The following SLC14A2 variants were observed in gnomAD, a reference collection of about 807,000 sequenced individuals.
SLC14A2 encodes solute carrier family 14 member 2.
In SLC14A2, 91 loss-of-function variants were observed where a neutral mutation model predicts 104.6. That is an observed-to-expected ratio of 0.87 (90% CI 0.73 to 1.04). The LOEUF (loss-of-function observed/expected upper bound fraction) is 1.04, where lower values mean the gene tolerates loss of function less well. Ranked by LOEUF, SLC14A2 falls within the 50% of genes least tolerant of loss-of-function variation. SLC14A2 has a pLI of 0.00. For missense variants in SLC14A2, 1,189 were observed against 1,156.0 expected, an observed-to-expected ratio of 1.03 and a Z score of -0.41; for synonymous variants, 476 against 466.4, an observed-to-expected ratio of 1.02 and a Z score of -0.27.
Position 45,245,899 on chromosome 18 carries a change from T to C in SLC14A2, c.-125+32708T>C, listed in dbSNP as rs554911789. ...AGCTCCCATTCTTGGTATATTTTCT[T>C]CAAGAGCATATACTATTGTTTTGCT... is the stretch of plus-strand genomic sequence containing the variant. On this transcript the variant is annotated intron_variant, in intron 1 of 20. Coordinates refer to the SLC14A2 transcript ENST00000586448. Among the ~76,000 whole-genome samples, 42 of 152,380 alleles carry C rather than the reference T, an allele frequency of 2.8e-4. 1 individual carries two copies. The highest frequency in any genetic ancestry group is 3.4e-3 in the Middle Eastern group (1 of 294).
intron 2 of SLC14A2, among the ~76,000 whole-genome samples, chr18:45,582,799 A>G (rs978277055): frequency 8.5e-5 from 13 of 152,100 alleles, no homozygotes; most frequent in African/African-American, 1.4e-4. Context: ...TGGCATCTCC[A>G]ATGTGACATA....
intron 1 of SLC14A2, among the ~76,000 whole-genome samples, chr18:45,474,181 T>C (rs1209227655): frequency 6.6e-6 from 1 of 152,224 alleles, no homozygotes; most frequent in Non-Finnish European, 1.5e-5. Flanking sequence ...GGATTACGTT[T>C]ATTGATTTGT....
At chr18:45,385,423 C>T (rs976591248) in intron 1 of SLC14A2, among the ~76,000 whole-genome samples, 8 of 152,036 alleles carry the variant, frequency 5.3e-5, no homozygotes, top group African/African-American at 7.2e-5. Flanking sequence ...GTCTGAGACA[C>T]GGGATTCAAA....
chr18:45,470,085 C>A (rs1050102334), intron 1 of SLC14A2, among the ~76,000 whole-genome samples: 4 of 152,122 alleles, frequency 2.6e-5, no homozygotes, highest in Admixed American at 2.0e-4. Context: ...ACATCTCCTG[C>A]CTTTTGTTTT....
chr18:45,617,133 C>T (rs373902092), intron 1 of SLC14A2, among the ~76,000 whole-genome samples: 59 of 152,202 alleles, frequency 3.9e-4, no homozygotes, highest in African/African-American at 1.3e-3. Context: ...AAGGGTGTGA[C>T]GATCTCCTAT....
intron 1 of SLC14A2, among the ~76,000 whole-genome samples, chr18:45,434,285 A>G (rs1285582661): frequency 6.6e-6 from 1 of 152,202 alleles, no homozygotes; most frequent in African/African-American, 2.4e-5. Flanking sequence ...TGATGGGTTG[A>G]GAGTCCCACT....
At chr18:45,247,108 C>T (rs1206809335) in intron 1 of SLC14A2, among the ~76,000 whole-genome samples, 1 of 152,118 alleles carries the variant, frequency 6.6e-6, no homozygotes, top group Non-Finnish European at 1.5e-5. Flanking sequence ...GTTCTTCCCA[C>T]CCTGACACCC....
chr18:45,478,883 T>G (rs2087439100), intron 1 of SLC14A2, among the ~76,000 whole-genome samples: 1 of 152,216 alleles, frequency 6.6e-6, no homozygotes, highest in Non-Finnish European at 1.5e-5. Flanking sequence ...TTTAAGTGTT[T>G]TCTTATTTAT....
chr18:45,639,705 T>C (rs1272088072), intron 6 of SLC14A2, 41 bp from the exon 7 acceptor site: 4 of 1,603,972 alleles, frequency 2.5e-6, no homozygotes, highest in African/African-American at 1.3e-5. Flanking sequence ...TTTTGCATTA[T>C]TGTCCATGCT....
At chr18:45,235,023 T>C (rs1241454583) in intron 1 of SLC14A2, among the ~76,000 whole-genome samples, 2 of 152,194 alleles carry the variant, frequency 1.3e-5, no homozygotes, top group Non-Finnish European at 2.9e-5. Flanking sequence ...TTTTCTGCTA[T>C]TTCATTGTGT....
At chr18:45,379,041 A>C (rs977082284) in intron 1 of SLC14A2, among the ~76,000 whole-genome samples, 3 of 152,240 alleles carry the variant, frequency 2.0e-5, no homozygotes, top group African/African-American at 7.2e-5. Context: ...GAATCTTGTT[A>C]ATCCTCGAAT....
intron 1 of SLC14A2, among the ~76,000 whole-genome samples, chr18:45,478,251 C>T (rs891992362): frequency 6.6e-6 from 1 of 152,170 alleles, no homozygotes; most frequent in Non-Finnish European, 1.5e-5. Context: ...TTCTTTGATC[C>T]TTTGTGCTTC....
chr18:45,404,008 G>T (rs1012295101), intron 1 of SLC14A2, among the ~76,000 whole-genome samples: 1 of 152,146 alleles, frequency 6.6e-6, no homozygotes, highest in Non-Finnish European at 1.5e-5. Context: ...GCTTTTCCAT[G>T]CATTTGTGTC....
chr18:45,276,464 G>C (rs1277400181), intron 1 of SLC14A2, among the ~76,000 whole-genome samples: 1 of 152,180 alleles, frequency 6.6e-6, no homozygotes, highest in African/African-American at 2.4e-5. Flanking sequence ...AGCCAACAAA[G>C]AGGTAGAAAG....
chr18:45,530,579 T>G (rs148101185), intron 2 of SLC14A2, among the ~76,000 whole-genome samples: 1 of 152,162 alleles, frequency 6.6e-6, no homozygotes, highest in African/African-American at 2.4e-5. Context: ...GAACCATCTA[T>G]GTCTAAATAT....
rs535669483 is a variant in SLC14A2 at position 45,547,179 on chromosome 18, C to A, written c.-35+63857C>A. Among the ~76,000 whole-genome samples the A allele has an allele frequency of 1.5e-3, 223 of 150,724 alleles. 1 individual carries two copies. The highest frequency in any genetic ancestry group is 5.1e-3 in the African/African-American group (210 of 41,124). On this transcript the variant is annotated intron_variant, in intron 2 of 20. Coordinates refer to the SLC14A2 transcript ENST00000586448. The stretch of plus-strand genomic sequence containing the variant: ...CAAGAATTTTGCTATCTGAGCTAAA[C>A]AAAAGGAAAAAAAAAGAAAAACTTT...
intron 1 of SLC14A2, among the ~76,000 whole-genome samples, chr18:45,334,921 C>G (rs2085324416): frequency 1.3e-5 from 2 of 152,226 alleles, no homozygotes; most frequent in Non-Finnish European, 2.9e-5. Flanking sequence ...CCTCCCTCTT[C>G]TCGCTAAATG....
intron 1 of SLC14A2, among the ~76,000 whole-genome samples, chr18:45,451,269 C>T (rs2086853255): frequency 6.6e-6 from 1 of 151,876 alleles, no homozygotes; most frequent in East Asian, 1.9e-4. Context: ...TGCTGAAAGC[C>T]TGTCCCTAAG....
intron 1 of SLC14A2, among the ~76,000 whole-genome samples, chr18:45,318,472 T>C (rs996373227): frequency 6.6e-6 from 1 of 152,128 alleles, no homozygotes; most frequent in African/African-American, 2.4e-5. Context: ...GTTCTTTATA[T>C]ATAATAGGTA....
Sources: allele counts gnomAD v4.1 joint callset (sites outside exome capture counted in the v4.1 genomes callset), GRCh38; gene constraint gnomAD v4.1.1; transcripts MANE v1.5; gene names NCBI Gene and HGNC (gene_info 2026-07-23, HGNC 2026-07-21).